GRIA3: variants seen among roughly 807,000 people sequenced by gnomAD.
The protein encoded by GRIA3 is glutamate receptor 3.
In GRIA3, 3 loss-of-function variants were observed where a neutral mutation model predicts 63.0. That is an observed-to-expected ratio of 0.05 (90% CI 0.02 to 0.12). The LOEUF (loss-of-function observed/expected upper bound fraction) is 0.12. Ranked by LOEUF, GRIA3 falls within the 10% of genes least tolerant of loss-of-function variation. The pLI is 1.00. For missense variants in GRIA3, 347 were observed against 700.9 expected (o/e 0.50, Z 5.70); for synonymous variants, 274 against 257.9 (o/e 1.06, Z -0.60).
chrX:123,209,809 T>C (rs1366297084), intron 2 of GRIA3, among the ~76,000 whole-genome samples: 1 of 111,290 alleles, frequency 9.0e-6, no homozygotes, highest in Non-Finnish European at 1.9e-5. Flanking sequence ...AAGGTTTCAG[T>C]ACAAATTTCA....
intron 2 of GRIA3, among the ~76,000 whole-genome samples, chrX:123,226,369 A>G (rs552322270): frequency 2.1e-4 from 23 of 112,103 alleles, no homozygotes; most frequent in African/African-American, 6.8e-4. Context: ...CTTGCTCCCA[A>G]GTATTCCCAG....
In GRIA3 at chrX:123,489,878, C is replaced by T. The variant is rs1372429414; in HGVS notation, c.*1168C>T. On this transcript the variant is annotated 3_prime_UTR_variant, in exon 16 of 16. Coordinates refer to ENST00000620443, the MANE Select transcript of GRIA3 (RefSeq NM_007325.5). ...TGGCTCTCCATCGGACTGCATGTGT[C>T]CTTTTCTAGTTTGCAAAGACTAAAA... is the stretch of plus-strand genomic sequence containing the variant. The T allele has an allele frequency of 2.7e-5, 3 of 112,105 alleles. No individual in the cohort carries two copies. Among genetic ancestry groups the T allele is most frequent in the East Asian group, 5.6e-4 (2 of 3,567 alleles). 9.2% of individuals were successfully genotyped at this position (112,105 alleles called of 1,213,427 possible).
chrX:123,442,414 A>C (rs1310460461), intron 12 of GRIA3, among the ~76,000 whole-genome samples: 2 of 112,255 alleles, frequency 1.8e-5, no homozygotes, highest in Admixed American at 9.4e-5. Context: ...GTGGGGCCCC[A>C]AGGGACAGAA....
At chrX:123,375,684 C>G (rs17334614) in intron 5 of GRIA3, among the ~76,000 whole-genome samples, 2,431 of 111,473 alleles carry the variant, frequency 0.022, 69 homozygotes, top group East Asian at 0.17. Flanking sequence ...CGGATATCAC[C>G]CTTAGAATCT....
At chrX:123,245,132 G>C (rs188779046) in intron 2 of GRIA3, among the ~76,000 whole-genome samples, 1 of 112,248 alleles carries the variant, frequency 8.9e-6, no homozygotes. Flanking sequence ...CAAAAGAATG[G>C]TATAGGGAAA....
chrX:123,193,846 G>C (rs762779577), intron 2 of GRIA3, among the ~76,000 whole-genome samples: 4 of 111,516 alleles, frequency 3.6e-5, no homozygotes, highest in African/African-American at 1.3e-4. Flanking sequence ...TTACCTTGCA[G>C]GATCCTCAGA....
intron 4 of GRIA3, among the ~76,000 whole-genome samples, chrX:123,329,534 ATCTG>A (rs1400093933): frequency 8.9e-6 from 1 of 112,025 alleles, no homozygotes; most frequent in Non-Finnish European, 1.9e-5. Flanking sequence ...TTAGGTATCA[ATCTG>A]TCTTTCACAT....
intron 5 of GRIA3, among the ~76,000 whole-genome samples, chrX:123,361,853 GT>G (rs995255577): frequency 1.8e-5 from 2 of 111,453 alleles, no homozygotes; most frequent in Admixed American, 1.9e-4. Flanking sequence ...AGAAGAACCA[GT>G]TTTTCCCCCC....
At chrX:123,329,936 T>C (rs2147335304) in intron 4 of GRIA3, among the ~76,000 whole-genome samples, 1 of 112,001 alleles carries the variant, frequency 8.9e-6, no homozygotes, top group Admixed American at 9.5e-5. Context: ...ACCTTATGGC[T>C]TTGTTGCACC....
At chrX:123,299,610 A>G (rs1348629454) in intron 3 of GRIA3, among the ~76,000 whole-genome samples, 1 of 111,701 alleles carries the variant, frequency 9.0e-6, no homozygotes, top group South Asian at 3.8e-4. Context: ...GTTGCTTATC[A>G]GCTTAAGAAG....
intron 12 of GRIA3, among the ~76,000 whole-genome samples, chrX:123,456,545 A>G (rs1158591391): frequency 9.0e-6 from 1 of 110,750 alleles, no homozygotes; most frequent in East Asian, 2.8e-4. Context: ...ACATTAAAGA[A>G]CTTCAGAATG....
At chrX:123,354,804 T>A in intron 4 of GRIA3, 106 bp from the exon 5 acceptor site, 1 of 591,900 alleles carries the variant, frequency 1.7e-6, no homozygotes. Context: ...ACTGTGATTT[T>A]CCTGTATATA....
chrX:123,464,988 T>C lies in GRIA3; in HGVS notation c.2200T>C (p.Phe734Leu). The C allele has an allele frequency of 1.7e-6, 2 of 1,210,835 alleles. No individual in the cohort carries two copies. The highest frequency in any genetic ancestry group is 2.2e-6 in the Non-Finnish European group (2 of 894,782). ...GCGAAAGTCCAAGGGAAAGTTCGCCTTCCTGCTGGAGTCAACCATGAATGA... is the reference window on the plus strand; with the variant it reads ...GCGAAAGTCCAAGGGAAAGTTCGCCCTCCTGCTGGAGTCAACCATGAATGA... Reference protein sequence around the residue: ...RVRKSKGKFAFLLESTMNEYI... With the variant: ...RVRKSKGKFALLLESTMNEYI... The change falls in exon 13 of 16, where the codon TTC becomes CTC. Residue 734 changes from phenylalanine (F) to leucine (L), a missense_variant. By Grantham distance (22) the Phe-to-Leu change is conservative. Around this residue, in one of 8 missense-constraint regions of GRIA3, gnomAD observed 49 missense variants for 176.6 expected, o/e 0.28. Transcript: ENST00000620443.
chrX:123,186,085 A>G, intron 2 of GRIA3, 95 bp downstream of exon 2: 1 of 708,572 alleles, frequency 1.4e-6, no homozygotes, highest in Admixed American at 2.3e-5. Context: ...CTGGGAGATG[A>G]TTGCTTCAGT....
At chrX:123,402,395 G>GTATATA (rs57132663) in intron 7 of GRIA3, among the ~76,000 whole-genome samples, 2 of 104,312 alleles carry the variant, frequency 1.9e-5, no homozygotes, top group African/African-American at 7.0e-5. Context: ...ATGTGTGTGT[G>GTATATA]TATATATATA....
chrX:123,186,898 T>C (rs745800086), intron 2 of GRIA3, among the ~76,000 whole-genome samples: 6 of 112,240 alleles, frequency 5.3e-5, no homozygotes, highest in Non-Finnish European at 1.1e-4. Context: ...AGGGGACATT[T>C]TGTAAAATAC....
chrX:123,354,442 A>G (rs1247907029), intron 4 of GRIA3, among the ~76,000 whole-genome samples: 2 of 111,920 alleles, frequency 1.8e-5, no homozygotes, highest in Non-Finnish European at 3.8e-5. Flanking sequence ...AGCAAAAGCA[A>G]CCTCGGTTAA....
At chrX:123,271,160 T>C (rs2044519065) in intron 3 of GRIA3, among the ~76,000 whole-genome samples, 1 of 112,428 alleles carries the variant, frequency 8.9e-6, no homozygotes, top group African/African-American at 3.2e-5. Flanking sequence ...TGTGCTAACT[T>C]GAAATTAGAG....
intron 2 of GRIA3, among the ~76,000 whole-genome samples, chrX:123,216,100 A>G (rs757495404): frequency 8.9e-6 from 1 of 112,363 alleles, no homozygotes; most frequent in South Asian, 3.7e-4. Context: ...ACATTTGCTC[A>G]TATCATTCTC....
Sources: allele counts gnomAD v4.1 joint callset (sites outside exome capture counted in the v4.1 genomes callset), GRCh38; gene constraint gnomAD v4.1.1; regional missense constraint gnomAD v4.1.1; transcripts MANE v1.5; gene names NCBI Gene and HGNC (gene_info 2026-07-23, HGNC 2026-07-21).